The following GULP1 variants were observed in gnomAD, a reference collection of about 807,000 sequenced individuals.
GULP1 encodes the protein GULP PTB domain containing engulfment adaptor 1, also known as PTB domain-containing engulfment adapter protein 1.
A neutral mutation model predicts 40.9 loss-of-function variants in GULP1; 19 were observed. The observed-to-expected ratio is 0.46, with a 90% CI of 0.32 to 0.68. GULP1 has a LOEUF of 0.68. Ranked by LOEUF, GULP1 falls within the 30% of genes least tolerant of loss-of-function variation. GULP1 has a pLI of 0.03. For synonymous variants in GULP1, 119 were observed against 117.6 expected, an observed-to-expected ratio of 1.01 and a Z score of -0.08; for missense variants, 312 against 362.2, an observed-to-expected ratio of 0.86 and a Z score of 1.12.
intron 1 of GULP1, among the ~76,000 whole-genome samples, chr2:188,307,010 GT>G (rs2037208773): frequency 6.6e-6 from 1 of 152,180 alleles, no homozygotes. Flanking sequence ...TGGATTCTAA[GT>G]TTTCTGGTTT....
chr2:188,354,628 G>GT (rs2045011931), intron 1 of GULP1, among the ~76,000 whole-genome samples: 1 of 152,186 alleles, frequency 6.6e-6, no homozygotes, highest in Non-Finnish European at 1.5e-5. Context: ...TGCAGGTCAT[G>GT]TCAGACCTGA....
At position 188,292,800 on chromosome 2, in the gene GULP1, C is replaced by A. The variant is rs1470162816; in HGVS notation, c.-172+634C>A. ...GGAAGGGGCGGCGTCCACATGGTTA[C>A]CCTTCTGCTGCGCGGGTCAAGTAGC... On this transcript the variant is annotated intron_variant, in intron 1 of 11. Coordinates refer to ENST00000409830, the MANE Select transcript of GULP1 (RefSeq NM_016315.4). This position sits in a 1 kb window ranked among gnomAD's most constrained non-coding sequence, Gnocchi z 4.0. 1 of 152,500 alleles carries A rather than the reference C, an allele frequency of 6.6e-6. No individual in the cohort carries two copies. Among genetic ancestry groups the A allele is most frequent in the Admixed American group, 6.6e-5 (1 of 15,262 alleles). 9.4% of individuals were successfully genotyped at this position (152,500 alleles called of 1,614,324 possible).
chr2:188,532,390 T>C (rs1687779658), intron 6 of GULP1, among the ~76,000 whole-genome samples: 1 of 152,160 alleles, frequency 6.6e-6, no homozygotes, highest in Admixed American at 6.5e-5. Flanking sequence ...TGCTAATTGC[T>C]TAAAGCGCTA....
At chr2:188,487,829 G>A (rs1159820505) in intron 4 of GULP1, among the ~76,000 whole-genome samples, 1 of 151,918 alleles carries the variant, frequency 6.6e-6, no homozygotes, top group East Asian at 1.9e-4. Flanking sequence ...TTGCCACTTC[G>A]TTTGTTTAAT....
chr2:188,486,527 T>C (rs1210833547), intron 4 of GULP1, among the ~76,000 whole-genome samples: 3 of 151,988 alleles, frequency 2.0e-5, no homozygotes, highest in Admixed American at 6.6e-5. Context: ...TGTAATAACA[T>C]TTATGTTTAA....
At chr2:188,510,502 A>T (rs1049951130) in intron 4 of GULP1, among the ~76,000 whole-genome samples, 7 of 152,144 alleles carry the variant, frequency 4.6e-5, no homozygotes, top group South Asian at 2.1e-4. Context: ...CATACTGGGT[A>T]AACATTCCTT....
chr2:188,433,855 T>G (rs569850859), intron 2 of GULP1, among the ~76,000 whole-genome samples: 45 of 152,184 alleles, frequency 3.0e-4, no homozygotes, highest in African/African-American at 1.1e-3. Context: ...TTAGCAAAAA[T>G]TTACATTTTT....
chr2:188,358,348 A>G (rs932167702), intron 1 of GULP1, among the ~76,000 whole-genome samples: 1 of 152,178 alleles, frequency 6.6e-6, no homozygotes, highest in Non-Finnish European at 1.5e-5. Context: ...GGTAGATGGG[A>G]TAGGATAGGG....
intron 4 of GULP1, among the ~76,000 whole-genome samples, chr2:188,521,005 T>C (rs895718206): frequency 6.6e-6 from 1 of 152,100 alleles, no homozygotes; most frequent in African/African-American, 2.4e-5. Flanking sequence ...TGTAAGTTAA[T>C]ACATGAAAAA....
At chr2:188,402,611 A>T (rs938806561) in intron 2 of GULP1, among the ~76,000 whole-genome samples, 1 of 151,708 alleles carries the variant, frequency 6.6e-6, no homozygotes, top group African/African-American at 2.4e-5. Context: ...TATATCCTTT[A>T]ATTAGACTAT....
At chr2:188,385,605 A>G (rs2049613592) in intron 2 of GULP1, among the ~76,000 whole-genome samples, 1 of 152,174 alleles carries the variant, frequency 6.6e-6, no homozygotes, top group Admixed American at 6.5e-5. Context: ...GTCAGACTGC[A>G]AATTTTCTGA....
chr2:188,534,666 T>TAAAACAAAAC (rs958338773), intron 6 of GULP1, among the ~76,000 whole-genome samples: 1 of 151,604 alleles, frequency 6.6e-6, no homozygotes, highest in Non-Finnish European at 1.5e-5. Context: ...TGTTTGGTGA[T>TAAAACAAAAC]AAAACAAAAC....
chr2:188,532,833 A>T (rs1575835017), intron 6 of GULP1, among the ~76,000 whole-genome samples: 1 of 151,922 alleles, frequency 6.6e-6, no homozygotes. Flanking sequence ...AGGCAGGAGA[A>T]TCGCTTGAAC....
intron 4 of GULP1, among the ~76,000 whole-genome samples, chr2:188,492,557 G>A (rs971847365): frequency 1.3e-5 from 2 of 151,834 alleles, no homozygotes; most frequent in East Asian, 1.9e-4. Flanking sequence ...CTATTTATAC[G>A]TCCCATTTAA....
chr2:188,375,231 T>G (rs2048149644), intron 1 of GULP1, among the ~76,000 whole-genome samples: 1 of 152,194 alleles, frequency 6.6e-6, no homozygotes, highest in Non-Finnish European at 1.5e-5. Context: ...TTATATCCAA[T>G]TATGGTGATA....
chr2:188,307,733 T>A (rs1485309139), intron 1 of GULP1, among the ~76,000 whole-genome samples: 3 of 152,228 alleles, frequency 2.0e-5, no homozygotes, highest in African/African-American at 7.2e-5. Flanking sequence ...CACTGGTTTG[T>A]AGACTGAGTT....
At chr2:188,384,198 G>A (rs1307168055) in intron 2 of GULP1, 2 of 152,068 alleles carry the variant, frequency 1.3e-5, no homozygotes, top group African/African-American at 4.8e-5. Flanking sequence ...CTCATGACTG[G>A]GAAATTTACA....
chr2:188,419,474 G>C (rs1382098959), intron 2 of GULP1, among the ~76,000 whole-genome samples: 1 of 150,018 alleles, frequency 6.7e-6, no homozygotes, highest in Non-Finnish European at 1.5e-5. Flanking sequence ...ACCTTTTCAT[G>C]TTCCTGTTGG....
chr2:188,537,411 C>T (rs915052100), intron 6 of GULP1, among the ~76,000 whole-genome samples: 5 of 151,912 alleles, frequency 3.3e-5, no homozygotes, highest in African/African-American at 9.7e-5. Context: ...TGGATTTTTT[C>T]GAAGGCTTTT....
Sources: gnomAD v4.1 joint callset for allele counts (sites outside exome capture counted in the v4.1 genomes callset) on GRCh38, gnomAD v4.1.1 for gene constraint, Gnocchi (gnomAD v3.1) non-coding constraint, MANE v1.5 for transcripts, NCBI Gene and HGNC (gene_info 2026-07-23, HGNC 2026-07-21) for gene names.